TMEM74: variants seen among roughly 807,000 people sequenced by gnomAD.
TMEM74 encodes transmembrane protein 74.
A neutral mutation model predicts 18.1 loss-of-function variants in TMEM74; 13 were observed. The observed-to-expected ratio is 0.72, with a 90% confidence interval of 0.47 to 1.14. The LOEUF is 1.14. Ranked by LOEUF, TMEM74 falls within the 50% of genes most tolerant of loss-of-function variation. The pLI, the probability that TMEM74 is intolerant of heterozygous loss-of-function variation, is 0.00. For missense variants in TMEM74, 372 were observed against 375.9 expected, an observed-to-expected ratio of 0.99 and a Z score of 0.09; for synonymous variants, 159 against 146.6, an observed-to-expected ratio of 1.08 and a Z score of -0.61.
At position 108,718,517 on chromosome 8, in the gene TMEM74, A is replaced by G. The variant is rs545278271; in HGVS notation, n.120-63080T>C. ...TGATAGTACTTGGGGAAGAGCGCAG[A>G]CTCCTCTTGTGTTTAGTTTTGAAGA... On this transcript the variant is annotated intron_variant and non_coding_transcript_variant, in intron 1 of 3. Coordinates refer to the TMEM74 transcript ENST00000518838. 1.1e-4 allele frequency among the ~76,000 whole-genome samples: 17 copies of G among 152,092 alleles called. 1 individual carries two copies. The Middle Eastern group carries it at 0.01, about 91-fold the overall frequency.
At chr8:108,614,983 T>A (rs892635513) in intron 2 of TMEM74, among the ~76,000 whole-genome samples, 1 of 152,220 alleles carries the variant, frequency 6.6e-6, no homozygotes, top group African/African-American at 2.4e-5. Context: ...AAAACTGCAT[T>A]ATTAAAATAA....
intron 1 of TMEM74, among the ~76,000 whole-genome samples, chr8:108,655,934 G>T (rs113828773): frequency 0.018 from 2,747 of 152,240 alleles, 97 homozygotes; most frequent in African/African-American, 0.063. Flanking sequence ...TTTTGGAAAA[G>T]ATATTTCTAT....
chr8:108,635,033 T>C (rs1043588786), intron 2 of TMEM74, among the ~76,000 whole-genome samples: 2 of 151,986 alleles, frequency 1.3e-5, no homozygotes, highest in African/African-American at 4.8e-5. Flanking sequence ...GTCCCGATTC[T>C]ATAGCTTTCC....
intron 1 of TMEM74, among the ~76,000 whole-genome samples, chr8:108,738,031 A>G (rs532970776): frequency 6.6e-6 from 1 of 152,178 alleles, no homozygotes; most frequent in Admixed American, 6.5e-5. Context: ...CTATCTCTTT[A>G]ACTGATCTCT....
rs372117071 is a variant in TMEM74 at position 108,624,211 on chromosome 8, G to A, written n.265-15385C>T. Among the ~76,000 whole-genome samples, 16 of 152,102 alleles carry A rather than the reference G, an allele frequency of 1.1e-4. No homozygotes were observed. In the East Asian group the frequency reaches 3.1e-3, roughly 29 times the overall value. On this transcript the variant is annotated intron_variant and non_coding_transcript_variant, in intron 2 of 3. Transcript: ENST00000518838. The stretch of plus-strand genomic sequence containing the variant: ...TTAAATATTGTCTGTGTATGTAAGG[G>A]AACAACATCATAATCTATTCATTAA...
At chr8:108,747,859 C>T (rs991857594) in intron 1 of TMEM74, among the ~76,000 whole-genome samples, 2 of 152,094 alleles carry the variant, frequency 1.3e-5, no homozygotes, top group East Asian at 3.9e-4. Flanking sequence ...TAATGGCCTC[C>T]AGCTCCATCC....
Position 108,703,404 on chromosome 8 carries a change from G to A in TMEM74, n.120-47967C>T, listed in dbSNP as rs1336828512. On this transcript the variant is annotated intron_variant and non_coding_transcript_variant, in intron 1 of 3. Transcript: ENST00000518838. ...GAACTGTTGTATCTAAAGGCATAAGGTTAACTAGGGTGTATTTTGTCAGGG... is the reference window on the plus strand; with the variant it reads ...GAACTGTTGTATCTAAAGGCATAAGATTAACTAGGGTGTATTTTGTCAGGG... Among the ~76,000 whole-genome samples the A allele has an allele frequency of 3.9e-5, 6 of 152,252 alleles. No individual in the cohort carries two copies. The East Asian group carries it at 9.7e-4, about 25-fold the overall frequency.
At chr8:108,660,011 TCTC>T (rs1286077380) in intron 1 of TMEM74, among the ~76,000 whole-genome samples, 2 of 152,132 alleles carry the variant, frequency 1.3e-5, no homozygotes, top group East Asian at 3.9e-4. Flanking sequence ...CAATTCATCT[TCTC>T]CTTCCACCTA....
chr8:108,760,938 T>A (rs1255739466), intron 1 of TMEM74, among the ~76,000 whole-genome samples: 1 of 151,834 alleles, frequency 6.6e-6, no homozygotes, highest in East Asian at 1.9e-4. Context: ...TGCAGTGTTC[T>A]CCTCTTGTAC....
intron 1 of TMEM74, among the ~76,000 whole-genome samples, chr8:108,695,169 A>G (rs922682162): frequency 2.0e-5 from 3 of 152,246 alleles, no homozygotes; most frequent in East Asian, 1.9e-4. Context: ...GTGCTGCACC[A>G]ATCTTCTCAG....
chr8:108,763,941 TAA>T (rs1814073419), intron 1 of TMEM74, among the ~76,000 whole-genome samples: 1 of 152,128 alleles, frequency 6.6e-6, no homozygotes, highest in Admixed American at 6.6e-5. Context: ...GAAAAGAAAG[TAA>T]AAGAGTTAGT....
At chr8:108,673,539 G>A (rs1813024080) in intron 1 of TMEM74, among the ~76,000 whole-genome samples, 1 of 152,204 alleles carries the variant, frequency 6.6e-6, no homozygotes, top group Non-Finnish European at 1.5e-5. Context: ...AATCTGGCCA[G>A]CAGAGAGCAT....
At chr8:108,707,308 C>T (rs1281631613) in intron 1 of TMEM74, among the ~76,000 whole-genome samples, 1 of 150,594 alleles carries the variant, frequency 6.6e-6, no homozygotes, top group Non-Finnish European at 1.5e-5. Context: ...ATGTTGTGCA[C>T]ATGTACCCTA....
intron 1 of TMEM74, among the ~76,000 whole-genome samples, chr8:108,658,531 C>T (rs951254488): frequency 6.6e-6 from 1 of 152,112 alleles, no homozygotes; most frequent in Admixed American, 6.5e-5. Context: ...CTGGTAAAAA[C>T]AGATGTCTTC....
At chr8:108,728,310 A>AT (rs1453849537) in intron 1 of TMEM74, among the ~76,000 whole-genome samples, 1 of 152,134 alleles carries the variant, frequency 6.6e-6, no homozygotes, top group Non-Finnish European at 1.5e-5. Context: ...TTGTAAGAGC[A>AT]TTTTTCCTAT....
chr8:108,674,310 T>C (rs1813032367), intron 1 of TMEM74, among the ~76,000 whole-genome samples: 1 of 152,160 alleles, frequency 6.6e-6, no homozygotes, highest in Non-Finnish European at 1.5e-5. Context: ...TGTATATGTG[T>C]GCATCTCTGA....
chr8:108,659,144 A>T lies in TMEM74; in HGVS notation n.120-3707T>A, dbSNP rs560967694. 5.9e-5 allele frequency among the ~76,000 whole-genome samples: 9 copies of T among 151,672 alleles called. No homozygotes were observed. In the South Asian group the frequency reaches 1.9e-3, roughly 32 times the overall value. On this transcript the variant is annotated intron_variant and non_coding_transcript_variant, in intron 1 of 3. Coordinates refer to the TMEM74 transcript ENST00000518838. ...ATTTAACATTTAATATGGAGAAAAG[A>T]CCATTTCTCCTTCAAAACTAAAGAT...
At chr8:108,694,230 C>T (rs1247294342) in intron 1 of TMEM74, among the ~76,000 whole-genome samples, 2 of 152,128 alleles carry the variant, frequency 1.3e-5, no homozygotes, top group Admixed American at 1.3e-4. Flanking sequence ...CAACCACTAC[C>T]TCTATCTAGT....
intron 1 of TMEM74, among the ~76,000 whole-genome samples, chr8:108,717,084 G>T (rs1012107632): frequency 6.6e-6 from 1 of 151,866 alleles, no homozygotes; most frequent in African/African-American, 2.4e-5. Flanking sequence ...TATAAAATTT[G>T]CATGATCTTG....
Sources: allele counts gnomAD v4.1 joint callset (sites outside exome capture counted in the v4.1 genomes callset), GRCh38; gene constraint gnomAD v4.1.1; transcripts MANE v1.5; gene names NCBI Gene and HGNC (gene_info 2026-07-23, HGNC 2026-07-21).